CFLAR: variants seen among roughly 807,000 people sequenced by gnomAD.
CFLAR encodes the protein CASP8 and FADD-like apoptosis regulator.
In CFLAR, 14 loss-of-function variants were observed where a neutral mutation model predicts 51.1. The ratio of observed to expected loss-of-function variants is 0.27; its 90% confidence interval spans 0.18 to 0.43. The LOEUF (loss-of-function observed/expected upper bound fraction) is 0.43, where lower values mean the gene tolerates loss of function less well. Among genes scored for constraint, CFLAR ranks in the 20% least tolerant of loss-of-function variants. CFLAR has a pLI of 1.00. For missense variants in CFLAR, 390 were observed against 566.5 expected (o/e 0.69, Z 3.16); for synonymous variants, 210 against 211.6 (o/e 0.99, Z 0.06).
intron 8 of CFLAR, among the ~76,000 whole-genome samples, chr2:201,158,864 T>C (rs1315823058): frequency 7.4e-6 from 1 of 135,340 alleles, no homozygotes; most frequent in Non-Finnish European, 1.7e-5. Context: ...TTATTATTAT[T>C]ATTATTATTA....
At chr2:201,150,788 G>A (rs114661310) in intron 8 of CFLAR, among the ~76,000 whole-genome samples, 524 of 152,322 alleles carry the variant, frequency 3.4e-3, no homozygotes, top group Middle Eastern at 6.8e-3. Context: ...CAGTCATGTG[G>A]CTCCATCTAA....
Position 201,138,363 on chromosome 2 carries a change from G to T in CFLAR, c.524-1994G>T. ...TCATGGGAATCCTTGGAGGCCACAGGGTAGTCTCGGTTCTTCAGCGCGGTG... is the reference window on the plus strand; with the variant it reads ...TCATGGGAATCCTTGGAGGCCACAGTGTAGTCTCGGTTCTTCAGCGCGGTG... On this transcript the variant is annotated intron_variant, in intron 4 of 9. Transcript: ENST00000309955. The surrounding 1 kb of genome is among the most constrained non-coding windows in gnomAD (Gnocchi z 4.0). 1.3e-6 allele frequency: 1 copy of T among 768,662 alleles called. No individual in the cohort carries two copies. The allele number at this position is 768,662 out of a possible 1,614,324, so 47.6% of individuals were successfully genotyped here. A position where few individuals can be genotyped will look rare whatever the true frequency, so the allele number is the denominator to read the frequency against.
intron 4 of CFLAR, chr2:201,140,000 GTGC>G: frequency 3.3e-6 from 1 of 298,864 alleles, no homozygotes; most frequent in Non-Finnish European, 6.8e-6. Flanking sequence ...CACGTAGCCG[GTGC>G]TGCTGCTGAT....
intron 1 of CFLAR, among the ~76,000 whole-genome samples, chr2:201,120,071 T>A (rs1398419372): frequency 6.7e-6 from 1 of 148,372 alleles, no homozygotes; most frequent in Non-Finnish European, 1.5e-5. Context: ...TTGCCCAGGC[T>A]GGAGTGCAGT....
intron 1 of CFLAR, among the ~76,000 whole-genome samples, chr2:201,120,993 G>A (rs2048142480): frequency 6.6e-6 from 1 of 152,110 alleles, no homozygotes; most frequent in African/African-American, 2.4e-5. Context: ...GCACCTGCTG[G>A]GGCTGAGGAA....
intron 8 of CFLAR, among the ~76,000 whole-genome samples, chr2:201,157,602 C>T (rs1254817979): frequency 6.6e-6 from 1 of 151,802 alleles, no homozygotes; most frequent in Non-Finnish European, 1.5e-5. Context: ...TCTCAAACTC[C>T]TGAGCTCAAG....
intron 8 of CFLAR, among the ~76,000 whole-genome samples, chr2:201,159,108 C>T (rs980512276): frequency 3.3e-5 from 5 of 151,780 alleles, no homozygotes; most frequent in African/African-American, 4.8e-5. Context: ...GAACTCCTGA[C>T]CTCAGGTGAT....
chr2:201,119,839 G>GGTT (rs2047997973), intron 1 of CFLAR, among the ~76,000 whole-genome samples: 2 of 120,812 alleles, frequency 1.7e-5, no homozygotes, highest in African/African-American at 6.0e-5. Context: ...TCAGTTTAAT[G>GGTT]TTTTTTTTTT....
chr2:201,130,334 G>T (rs2049132482), intron 2 of CFLAR, among the ~76,000 whole-genome samples, 188 bp downstream of exon 2: 2 of 138,144 alleles, frequency 1.4e-5, no homozygotes, highest in African/African-American at 5.4e-5. Context: ...TTGTTTTCTT[G>T]CTTTCTTTTT....
chr2:201,149,574 T>A, intron 7 of CFLAR, 180 bp from the exon 8 acceptor site: 1 of 539,606 alleles, frequency 1.9e-6, no homozygotes, highest in South Asian at 2.3e-5. Context: ...CACATTACCC[T>A]AATAGAGGAA....
chr2:201,167,521 A>G lies in CFLAR; in HGVS notation c.*3548A>G, dbSNP rs1036684954. On this transcript the variant is annotated 3_prime_UTR_variant, in exon 10 of 10. Transcript: ENST00000309955. ...ACCCTGTTTCAGAAAAAATAAATAA[A>G]TAAAACCACCAGCACCACAAACAAC... 2.0e-5 allele frequency: 3 copies of G among 152,170 alleles called. No homozygotes were observed. Among genetic ancestry groups the G allele is most frequent in the African/African-American group, 7.2e-5 (3 of 41,432 alleles). The allele number at this position is 152,170 out of a possible 1,614,324, so 9.4% of individuals were successfully genotyped here.
At chr2:201,123,608 C>T (rs1439002656) in intron 1 of CFLAR, among the ~76,000 whole-genome samples, 1 of 152,194 alleles carries the variant, frequency 6.6e-6, no homozygotes, top group East Asian at 1.9e-4. Context: ...CTCTTAAAGG[C>T]CCCACTTCTT....
At chr2:201,128,727 T>C (rs1190172648) in intron 1 of CFLAR, among the ~76,000 whole-genome samples, 2 of 152,206 alleles carry the variant, frequency 1.3e-5, no homozygotes, top group Non-Finnish European at 2.9e-5. Flanking sequence ...TGTTAATAAA[T>C]TTGATTTTAA....
At chr2:201,163,008 C>T (rs755040150) in intron 9 of CFLAR, 18 of 752,484 alleles carry the variant, frequency 2.4e-5, no homozygotes, top group African/African-American at 1.5e-4. Flanking sequence ...GGACAATTCC[C>T]GGAAGTGGAA....
chr2:201,155,061 C>T (rs1941928002), intron 8 of CFLAR, among the ~76,000 whole-genome samples: 1 of 152,172 alleles, frequency 6.6e-6, no homozygotes, highest in African/African-American at 2.4e-5. Context: ...GGTGTTGTGT[C>T]ATCTGTGTCA....
At position 201,156,046 on chromosome 2, in the gene CFLAR, A is replaced by G. The variant is rs182564637; in HGVS notation, c.794-4386A>G. 4.2e-3 allele frequency among the ~76,000 whole-genome samples: 638 copies of G among 152,342 alleles called. 9 individuals carry two copies. Among genetic ancestry groups the G allele is most frequent in the African/African-American group, 0.015 (608 of 41,576 alleles). On this transcript the variant is annotated intron_variant, in intron 8 of 9. Transcript: ENST00000309955. The stretch of plus-strand genomic sequence containing the variant: ...AGCACTGGGATTATGGCCATGAGCC[A>G]CCACGTAATCTTTGTTTTATGCGTA...
Position 201,175,230 on chromosome 2 carries a change from A to G in CFLAR, c.*11257A>G, listed in dbSNP as rs894097123. The G allele has an allele frequency of 6.6e-6, 1 of 152,188 alleles. No homozygotes were observed. Among genetic ancestry groups the G allele is most frequent in the African/African-American group, 2.4e-5 (1 of 41,420 alleles). The allele number at this position is 152,188 out of a possible 1,614,324, so 9.4% of individuals were successfully genotyped here. On this transcript the variant is annotated 3_prime_UTR_variant, in exon 10 of 10. Coordinates refer to ENST00000309955, the MANE Select transcript of CFLAR (RefSeq NM_003879.7). ...TTACTTTCTTAATGAACTTGCTTTC[A>G]CTTTATTCTGTCAGCATGCTCTTGA...
In CFLAR at chr2:201,176,092, G is replaced by GAAAGA. The variant is rs1944165069; in HGVS notation, c.*12126_*12130dup. Reference sequence around the variant, plus strand: ...TTAAGCTTTAGAACAGTAAGGAAAGGAAAGAAAAGAAGGAAAGTATAACTT... The same window carrying GAAAGA: ...TTAAGCTTTAGAACAGTAAGGAAAGGAAAGAAAAGAAAAGAAGGAAAGTATAACTT... On this transcript the variant is annotated 3_prime_UTR_variant, in exon 10 of 10. Coordinates refer to ENST00000309955, the MANE Select transcript of CFLAR (RefSeq NM_003879.7). The GAAAGA allele has an allele frequency of 6.6e-6, 1 of 152,182 alleles. No individual in the cohort carries two copies. The highest frequency in any genetic ancestry group is 1.5e-5 in the Non-Finnish European group (1 of 68,054). The allele number at this position is 152,182 out of a possible 1,614,324, so 9.4% of individuals were successfully genotyped here.
At chr2:201,161,117 T>C (rs1942938259) in intron 9 of CFLAR, among the ~76,000 whole-genome samples, 175 bp downstream of exon 9, 1 of 152,252 alleles carries the variant, frequency 6.6e-6, no homozygotes, top group African/African-American at 2.4e-5. Flanking sequence ...GATTTATAAA[T>C]ACTTTGTAGT....
Sources: allele counts gnomAD v4.1 joint callset (sites outside exome capture counted in the v4.1 genomes callset), GRCh38; gene constraint gnomAD v4.1.1; non-coding constraint Gnocchi (gnomAD v3.1); transcripts MANE v1.5; gene names NCBI Gene and HGNC (gene_info 2026-07-23, HGNC 2026-07-21).